IRAK4: variants seen among roughly 807,000 people sequenced by gnomAD.
The protein encoded by IRAK4 is interleukin 1 receptor associated kinase 4.
A neutral mutation model predicts 51.8 loss-of-function variants in IRAK4; 44 were observed. That is an observed-to-expected ratio of 0.85 (90% CI 0.67 to 1.09). The LOEUF is 1.09. Ranked by LOEUF, IRAK4 falls within the 50% of genes least tolerant of loss-of-function variation. IRAK4 has a pLI of 0.00. For synonymous variants in IRAK4, 149 were observed against 174.1 expected, an observed-to-expected ratio of 0.86 and a Z score of 1.13; for missense variants, 487 against 538.0, an observed-to-expected ratio of 0.91 and a Z score of 0.94.
rs11182259 is a variant in IRAK4 at position 43,776,915 on chromosome 12, C to T, written c.717-715C>T. On this transcript the variant is annotated intron_variant, in intron 6 of 11. Coordinates refer to ENST00000613694, the MANE Select transcript of IRAK4 (RefSeq NM_016123.4). Reference sequence around the variant, plus strand: ...GTGATTCAAGATCATGTCTGTAAATCAGTGCTTTGAGTGTGTTAGAAAATT... The same window carrying T: ...GTGATTCAAGATCATGTCTGTAAATTAGTGCTTTGAGTGTGTTAGAAAATT... Among the ~76,000 whole-genome samples the T allele has an allele frequency of 8.3e-3, 1,268 of 152,296 alleles. 17 individuals are homozygous for T. The highest frequency in any genetic ancestry group is 0.062 in the East Asian group (321 of 5,188).
At chr12:43,772,711 T>C (rs1382359933) in intron 4 of IRAK4, among the ~76,000 whole-genome samples, 1 of 152,180 alleles carries the variant, frequency 6.6e-6, no homozygotes, top group Admixed American at 6.5e-5. Flanking sequence ...GTGACTACAG[T>C]GTTCAGAGGG....
intron 1 of IRAK4, among the ~76,000 whole-genome samples, chr12:43,761,178 A>G (rs1216840236): frequency 1.3e-5 from 2 of 152,216 alleles, no homozygotes; most frequent in Non-Finnish European, 2.9e-5. Flanking sequence ...TGATGATGTT[A>G]AAGTATCTAA....
chr12:43,762,000 G>A (rs1026204658), intron 1 of IRAK4, among the ~76,000 whole-genome samples: 3 of 152,006 alleles, frequency 2.0e-5, no homozygotes, highest in Non-Finnish European at 4.4e-5. Flanking sequence ...GTGTACTAAA[G>A]TAAATCTTGA....
intron 2 of IRAK4, 156 bp from the exon 3 acceptor site, chr12:43,771,064 G>C (rs1487508207): frequency 5.5e-6 from 4 of 729,852 alleles, no homozygotes; most frequent in Non-Finnish European, 9.7e-6. Context: ...GCCCTAACCA[G>C]ATGCAGCCTC....
chr12:43,783,004 C>G (rs759845860), intron 9 of IRAK4, among the ~76,000 whole-genome samples: 9 of 151,986 alleles, frequency 5.9e-5, no homozygotes, highest in Admixed American at 1.3e-4. Context: ...CTCCTAAGAG[C>G]CAGAGTAAAT....
Position 43,772,041 on chromosome 12 carries a change from C to T in IRAK4, c.308-139C>T, listed in dbSNP as rs1940821049. On this transcript the variant is annotated intron_variant, in intron 3 of 11. Transcript: ENST00000613694. ...TAACTTACAGATTCTTACTAGGCAGCTTCTTGTGTGTGCTGTGAGAATATG... is the reference window on the plus strand; with the variant it reads ...TAACTTACAGATTCTTACTAGGCAGTTTCTTGTGTGTGCTGTGAGAATATG... 7 of 676,424 alleles carry T rather than the reference C, an allele frequency of 1.0e-5. No individual in the cohort carries two copies. In the South Asian group the frequency reaches 1.2e-4, roughly 12 times the overall value. The allele number at this position is 676,424 out of a possible 1,614,324, so 41.9% of individuals were successfully genotyped here. A position where few individuals can be genotyped will look rare whatever the true frequency, so the allele number is the denominator to read the frequency against.
In IRAK4 at chr12:43,789,084, A is replaced by G. The variant is rs1285080840; in HGVS notation, c.*2369A>G. 6.6e-6 allele frequency: 1 copy of G among 152,242 alleles called. No individual in the cohort carries two copies. Among genetic ancestry groups the G allele is most frequent in the Non-Finnish European group, 1.5e-5 (1 of 68,078 alleles). The allele number at this position is 152,242 out of a possible 1,614,324, so 9.4% of individuals were successfully genotyped here. A position where few individuals can be genotyped will look rare whatever the true frequency, so the allele number is the denominator to read the frequency against. ...GATGATTATATTTTGCAATGTGAGA[A>G]AGACATTAGATTTGGGGGGCTGGGG... On this transcript the variant is annotated 3_prime_UTR_variant, in exon 12 of 12. Coordinates refer to ENST00000613694, the MANE Select transcript of IRAK4 (RefSeq NM_016123.4).
rs551524673 is a variant in IRAK4 at position 43,786,512 on chromosome 12, T to C, written c.1302T>C (p.Ser434=). 3 of 1,613,548 alleles carry C rather than the reference T, an allele frequency of 1.9e-6. No individual in the cohort carries two copies. Among genetic ancestry groups the C allele is most frequent in the Non-Finnish European group, 2.5e-6 (3 of 1,179,824 alleles). Residue 434 remains serine, a synonymous_variant, in exon 11 of 12, where the codon AGT becomes AGC. Transcript: ENST00000613694. ...TTGAAGCTATGTACTCTGTTGCTAGTCAATGTCTGCATGAAAAGAAAAATA... is the reference window on the plus strand; with the variant it reads ...TTGAAGCTATGTACTCTGTTGCTAGCCAATGTCTGCATGAAAAGAAAAATA... ...TSVEAMYSVA[S]QCLHEKKNKR...
intron 4 of IRAK4, 47 bp from the exon 5 acceptor site, chr12:43,772,865 A>G: frequency 7.3e-7 from 1 of 1,371,586 alleles, no homozygotes; most frequent in Non-Finnish European, 1.0e-6. Flanking sequence ...TATAATTATT[A>G]AAACGAATTT....
Position 43,773,950 on chromosome 12 carries a change from A to G in IRAK4, c.652-15A>G, listed in dbSNP as rs763717073. On this transcript the variant is annotated splice_polypyrimidine_tract_variant and intron_variant, in intron 5 of 11. Coordinates refer to ENST00000613694, the MANE Select transcript of IRAK4 (RefSeq NM_016123.4). ...AGAATTGTGTAGTATTACATTGTATATTTTATTTTTTCAGATGGTTGACAT... is the reference window on the plus strand; with the variant it reads ...AGAATTGTGTAGTATTACATTGTATGTTTTATTTTTTCAGATGGTTGACAT... 1.3e-5 allele frequency: 20 copies of G among 1,545,042 alleles called. No homozygotes were observed. Among genetic ancestry groups the G allele is most frequent in the Non-Finnish European group, 1.8e-5 (20 of 1,118,588 alleles).
At position 43,768,177 on chromosome 12, in the gene IRAK4, G is replaced by A. The variant is rs762610309; in HGVS notation, c.66G>A (p.Leu22=). The change falls in exon 2 of 12, where the codon CTG becomes CTA. Residue 22 remains leucine, a synonymous_variant. Transcript: ENST00000613694. The part of the protein sequence containing the change: ...RCLNVGLIRK[L]SDFIDPQEGW... ...TCAATGTTGGACTAATTAGGAAGCTGTCAGATTTTATTGATCCTCAAGAAG... is the reference window on the plus strand; with the variant it reads ...TCAATGTTGGACTAATTAGGAAGCTATCAGATTTTATTGATCCTCAAGAAG... The A allele has an allele frequency of 3.1e-6, 5 of 1,613,476 alleles. No individual in the cohort carries two copies. In the South Asian group the frequency reaches 5.5e-5, roughly 18 times the overall value.
At position 43,768,094 on chromosome 12, in the gene IRAK4, A is replaced by G. The variant is rs1940356749; in HGVS notation, c.-9-9A>G. The G allele has an allele frequency of 1.9e-6, 3 of 1,608,622 alleles. No homozygotes were observed. The highest frequency in any genetic ancestry group is 2.6e-6 in the Non-Finnish European group (3 of 1,175,618). ...TGTAAAATTTTAATGAGATTTTTCCATATTTTAGGAATAGAAGATGAACAA... is the reference window on the plus strand; with the variant it reads ...TGTAAAATTTTAATGAGATTTTTCCGTATTTTAGGAATAGAAGATGAACAA... On this transcript the variant is annotated splice_polypyrimidine_tract_variant and intron_variant, in intron 1 of 11. Transcript: ENST00000613694.
chr12:43,777,044 C>A (rs1014974315), intron 6 of IRAK4, among the ~76,000 whole-genome samples: 1 of 152,122 alleles, frequency 6.6e-6, no homozygotes, highest in Admixed American at 6.5e-5. Context: ...AGTCCTTAAC[C>A]AAACTTATCA....
Position 43,786,502 on chromosome 12 carries a change from C to G in IRAK4, c.1292C>G (p.Ser431Cys). The change falls in exon 11 of 12, where the codon TCT (serine) becomes TGT (cysteine). Residue 431 changes from serine to cysteine, a missense_variant. Ser to Cys is a moderately radical substitution (Grantham distance 112). Transcript: ENST00000613694. ...ADSTSVEAMY[S>C]VASQCLHEKK... ...TCCACTTCAGTTGAAGCTATGTACTCTGTTGCTAGTCAATGTCTGCATGAA... is the reference window on the plus strand; with the variant it reads ...TCCACTTCAGTTGAAGCTATGTACTGTGTTGCTAGTCAATGTCTGCATGAA... 6.2e-7 allele frequency: 1 copy of G among 1,613,460 alleles called. No individual in the cohort carries two copies. The highest frequency in any genetic ancestry group is 8.5e-7 in the Non-Finnish European group (1 of 1,179,816).
At chr12:43,784,504 C>T (rs1211539023) in intron 10 of IRAK4, among the ~76,000 whole-genome samples, 1 of 152,212 alleles carries the variant, frequency 6.6e-6, no homozygotes, top group Non-Finnish European at 1.5e-5. Flanking sequence ...GTTGGAGTTC[C>T]TATGACCTCC....
intron 8 of IRAK4, 25 bp downstream of exon 8, chr12:43,778,327 T>G: frequency 7.9e-7 from 1 of 1,273,270 alleles, no homozygotes; most frequent in Non-Finnish European, 1.1e-6. Context: ...TTAAAAGTTT[T>G]TGGAAAGCTG....
intron 8 of IRAK4, among the ~76,000 whole-genome samples, chr12:43,780,112 G>A (rs1941646390): frequency 6.6e-6 from 1 of 152,176 alleles, no homozygotes; most frequent in South Asian, 2.1e-4. Context: ...AGAGGGAGTA[G>A]TCAAAAAGAG....
chr12:43,782,505 C>T lies in IRAK4; in HGVS notation c.1125+15C>T. ...GCTTTGGTGTGGTAAGTTCCGTATA[C>T]ATAATTATTAAAAATAATCATTCTG... On this transcript the variant is annotated intron_variant, in intron 9 of 11. Coordinates refer to ENST00000613694, the MANE Select transcript of IRAK4 (RefSeq NM_016123.4). 6.3e-7 allele frequency: 1 copy of T among 1,580,438 alleles called. No individual in the cohort carries two copies. The highest frequency in any genetic ancestry group is 8.7e-7 in the Non-Finnish European group (1 of 1,150,880).
Position 43,783,646 on chromosome 12 carries a change from T to C in IRAK4, c.1126-16T>C, listed in dbSNP as rs1941970918. On this transcript the variant is annotated splice_polypyrimidine_tract_variant and intron_variant, in intron 9 of 11. Coordinates refer to ENST00000613694, the MANE Select transcript of IRAK4 (RefSeq NM_016123.4). ...TATCTTGTGTATTATATTAATGATT[T>C]TTTTTGTCTTCATAGGTTTTACTAG... 1.9e-6 allele frequency: 3 copies of C among 1,552,740 alleles called. No individual in the cohort carries two copies. The highest frequency in any genetic ancestry group is 1.7e-5 in the Admixed American group (1 of 59,370).
Sources: gnomAD v4.1 joint callset for allele counts (sites outside exome capture counted in the v4.1 genomes callset) on GRCh38, gnomAD v4.1.1 for gene constraint, MANE v1.5 for transcripts, NCBI Gene and HGNC (gene_info 2026-07-23, HGNC 2026-07-21) for gene names.